The following PEAK1 variants were observed in gnomAD, a reference collection of about 807,000 sequenced individuals.
The protein encoded by PEAK1 is inactive tyrosine-protein kinase PEAK1.
Under a neutral mutation model 124.7 loss-of-function variants are expected in PEAK1, and 54 were observed. The observed-to-expected ratio is 0.43, with a 90% confidence interval of 0.35 to 0.54. The LOEUF (loss-of-function observed/expected upper bound fraction) is 0.54. Among genes scored for constraint, PEAK1 ranks in the 20% least tolerant of loss-of-function variants. The pLI, the probability that PEAK1 is intolerant of heterozygous loss-of-function variation, is 0.01. For synonymous variants in PEAK1, 719 were observed against 760.0 expected, an observed-to-expected ratio of 0.95 and a Z score of 0.89; for missense variants, 2,046 against 2,134.5, an observed-to-expected ratio of 0.96 and a Z score of 0.82.
At chr15:77,335,965 G>A (rs1358559296) in intron 2 of PEAK1, 3 of 985,236 alleles carry the variant, frequency 3.0e-6, no homozygotes, top group Admixed American at 6.2e-5. Flanking sequence ...TACCAGGTTA[G>A]GTATAATGAT....
chr15:77,175,919 A>G (rs1206403892), intron 7 of PEAK1, among the ~76,000 whole-genome samples: 1 of 152,238 alleles, frequency 6.6e-6, no homozygotes, highest in Non-Finnish European at 1.5e-5. Context: ...AATACTATGC[A>G]GCCATAAAAA....
chr15:77,139,736 A>G (rs897779476), intron 8 of PEAK1, among the ~76,000 whole-genome samples: 5 of 152,176 alleles, frequency 3.3e-5, no homozygotes, highest in Non-Finnish European at 5.9e-5. Context: ...TTCTCCACCC[A>G]TGTCATGTAG....
rs762551447 is a variant in PEAK1 at position 77,158,559 on chromosome 15, T to C, written c.3275A>G (p.Glu1092Gly). Residue 1092 changes from glutamate to glycine, a missense_variant, in exon 8 of 10, where the codon GAA becomes GGA. Transcript: ENST00000682557. ...LPELEREDGK[E>G]DISDPMDPNP... ...CGGGTCCATAGGATCTGAAATGTCTTCTTTTCCATCTTCCCTTTCCAGTTC... is the reference window on the plus strand; with the variant it reads ...CGGGTCCATAGGATCTGAAATGTCTCCTTTTCCATCTTCCCTTTCCAGTTC... The C allele has an allele frequency of 1.2e-6, 2 of 1,614,214 alleles. No homozygotes were observed. The highest frequency in any genetic ancestry group is 4.5e-5 in the East Asian group (2 of 44,884).
At chr15:77,172,897 C>T (rs1651204067) in intron 7 of PEAK1, among the ~76,000 whole-genome samples, 1 of 152,112 alleles carries the variant, frequency 6.6e-6, no homozygotes, top group African/African-American at 2.4e-5. Context: ...GGATCACAGG[C>T]ACACACCACC....
intron 2 of PEAK1, among the ~76,000 whole-genome samples, chr15:77,301,920 C>T (rs963968075): frequency 2.0e-5 from 3 of 152,188 alleles, no homozygotes; most frequent in Admixed American, 6.5e-5. Context: ...TAGATATTTA[C>T]TTTATACATT....
At chr15:77,316,160 T>C (rs1405013714) in intron 2 of PEAK1, among the ~76,000 whole-genome samples, 2 of 152,210 alleles carry the variant, frequency 1.3e-5, no homozygotes, top group African/African-American at 4.8e-5. Flanking sequence ...CTGTGAGATA[T>C]ATTTTATCAG....
intron 5 of PEAK1, among the ~76,000 whole-genome samples, chr15:77,259,529 G>C (rs1327159703): frequency 1.3e-5 from 2 of 152,144 alleles, no homozygotes; most frequent in Admixed American, 6.6e-5. Context: ...TACATCAATG[G>C]ATAAGTGTTA....
intron 1 of PEAK1, among the ~76,000 whole-genome samples, chr15:77,382,746 T>C (rs1161932198): frequency 1.3e-5 from 2 of 152,214 alleles, no homozygotes; most frequent in African/African-American, 2.4e-5. Flanking sequence ...ATTCTTCCTA[T>C]TAACTTGACA....
chr15:77,408,058 TAG>T (rs1026025598), intron 1 of PEAK1, among the ~76,000 whole-genome samples: 1 of 150,134 alleles, frequency 6.7e-6, no homozygotes, highest in African/African-American at 2.4e-5. Flanking sequence ...CATACATGCA[TAG>T]ATACACATAT....
intron 6 of PEAK1, among the ~76,000 whole-genome samples, chr15:77,250,198 TATAC>T (rs1347489958): frequency 5.2e-5 from 6 of 115,318 alleles, no homozygotes; most frequent in African/African-American, 1.6e-4. Flanking sequence ...TATACATATA[TATAC>T]ATATATATGT....
At chr15:77,171,453 A>G (rs1241901819) in intron 7 of PEAK1, among the ~76,000 whole-genome samples, 1 of 152,164 alleles carries the variant, frequency 6.6e-6, no homozygotes, top group African/African-American at 2.4e-5. Flanking sequence ...GTTCTCACTC[A>G]TATGTGGAAG....
intron 2 of PEAK1, among the ~76,000 whole-genome samples, chr15:77,302,043 CTTGTT>C (rs1024685617): frequency 8.6e-5 from 13 of 151,266 alleles, no homozygotes; most frequent in African/African-American, 3.0e-4. Context: ...ATCGTTGTGT[CTTGTT>C]TTGTTTTTTT....
intron 6 of PEAK1, among the ~76,000 whole-genome samples, chr15:77,186,556 C>T (rs1414668827): frequency 3.3e-5 from 5 of 151,958 alleles, no homozygotes; most frequent in East Asian, 3.9e-4. Flanking sequence ...GGTTTAAAAC[C>T]GAGACACTTA....
chr15:77,334,355 A>G (rs969346988), intron 2 of PEAK1: 1 of 985,388 alleles, frequency 1.0e-6, no homozygotes, highest in Non-Finnish European at 1.2e-6. Flanking sequence ...TCCTGACACC[A>G]GAAGGAAGGC....
chr15:77,334,948 A>C (rs1439008539), intron 2 of PEAK1: 1 of 985,280 alleles, frequency 1.0e-6, no homozygotes. Context: ...TTTTGAGAAC[A>C]CAAATCTCAA....
rs774131765 is a variant in PEAK1, at chr15:77,181,843, C to T, written c.84G>A (p.Gln28=). 1 of 1,613,434 alleles carries T rather than the reference C, an allele frequency of 6.2e-7. No homozygotes were observed. Among genetic ancestry groups the T allele is most frequent in the Non-Finnish European group, 8.5e-7 (1 of 1,179,506 alleles). The change falls in exon 7 of 10, where the codon CAG becomes CAA. Residue 28 remains glutamine (Q), a synonymous_variant. Coordinates refer to ENST00000682557, the MANE Select transcript of PEAK1 (RefSeq NM_001385026.1). ...GTGCCTTCTCAGGGTCTGGGGGAAG[C>T]TGGTGCAAACTTTTAGGTTTAAAGC... ...KNCFKPKSLH[Q]LPPDPEKAPI...
At chr15:77,341,357 G>A (rs1215567510) in intron 2 of PEAK1, among the ~76,000 whole-genome samples, 1 of 152,000 alleles carries the variant, frequency 6.6e-6, no homozygotes, top group East Asian at 1.9e-4. Flanking sequence ...AAAATCAGCT[G>A]GGCATAGTGG....
chr15:77,137,144 G>A (rs1459256851), intron 8 of PEAK1, among the ~76,000 whole-genome samples: 1 of 152,246 alleles, frequency 6.6e-6, no homozygotes, highest in Non-Finnish European at 1.5e-5. Context: ...CTAGGTTTCA[G>A]AGGATGTATG....
chr15:77,144,117 T>C (rs1356460490), intron 8 of PEAK1, among the ~76,000 whole-genome samples: 2 of 152,196 alleles, frequency 1.3e-5, no homozygotes, highest in Non-Finnish European at 1.5e-5. Flanking sequence ...AGCAGCTCTT[T>C]AATGCTTATC....
Sources: gnomAD v4.1 joint callset for allele counts (sites outside exome capture counted in the v4.1 genomes callset) on GRCh38, gnomAD v4.1.1 for gene constraint, MANE v1.5 for transcripts, NCBI Gene and HGNC (gene_info 2026-07-23, HGNC 2026-07-21) for gene names.